Variants in NNT observed in about 807,000 individuals in gnomAD.
NNT encodes NAD(P) transhydrogenase, mitochondrial.
In NNT, 50 loss-of-function variants were observed where a neutral mutation model predicts 104.8. That is an observed-to-expected ratio of 0.48 (90% CI 0.38 to 0.60). The LOEUF (loss-of-function observed/expected upper bound fraction) is 0.60. Among genes scored for constraint, NNT ranks in the 20% least tolerant of loss-of-function variants. The pLI is 0.00. For missense variants in NNT, 1,131 were observed against 1,330.7 expected (o/e 0.85, Z 2.33); for synonymous variants, 461 against 490.4 (o/e 0.94, Z 0.79).
chr5:43,656,029 G>T lies in NNT; in HGVS notation c.2249G>T (p.Gly750Val), dbSNP rs999046770. ...GCCTACCTCGGCACTTACATTGGTGGCGTCACCTTTAGTGGGTCTCTCATT... is the reference window on the plus strand; with the variant it reads ...GCCTACCTCGGCACTTACATTGGTGTCGTCACCTTTAGTGGGTCTCTCATT... ...IVAYLGTYIG[G>V]VTFSGSLIAY... Residue 750 changes from glycine (G) to valine (V), a missense_variant, in exon 15 of 22, where the codon GGC (glycine) becomes GTC (valine). Physicochemically the swap from Gly to Val is moderately radical, Grantham distance 109. Transcript: ENST00000344920. The T allele has an allele frequency of 1.2e-6, 2 of 1,614,064 alleles. No individual in the cohort carries two copies. The highest frequency in any genetic ancestry group is 2.7e-5 in the African/African-American group (2 of 74,930).
chr5:43,603,115 A>C (rs892786377), upstream of NNT: 1 of 150,818 alleles, frequency 6.6e-6, no homozygotes. Context: ...GGGGCGGGGA[A>C]GGGGCGCGGG....
intron 17 of NNT, among the ~76,000 whole-genome samples, chr5:43,672,567 C>A (rs1164326492): frequency 6.6e-6 from 1 of 152,224 alleles, no homozygotes; most frequent in African/African-American, 2.4e-5. Context: ...CCGTGTTTGC[C>A]TGGGTATCAG....
chr5:43,665,120 C>T (rs187018084), intron 17 of NNT, among the ~76,000 whole-genome samples: 9 of 152,108 alleles, frequency 5.9e-5, no homozygotes, highest in Admixed American at 1.3e-4. Context: ...ATCTGTACAG[C>T]GGTACATCTA....
At chr5:43,662,509 CA>C (rs1254217422) in intron 17 of NNT, among the ~76,000 whole-genome samples, 2 of 151,986 alleles carry the variant, frequency 1.3e-5, no homozygotes, top group African/African-American at 2.4e-5. Flanking sequence ...ATAGAACTAC[CA>C]AATTATTCCG....
intron 16 of NNT, among the ~76,000 whole-genome samples, chr5:43,658,229 G>A (rs779654498): frequency 2.0e-5 from 3 of 152,094 alleles, no homozygotes; most frequent in Non-Finnish European, 4.4e-5. Flanking sequence ...GGATTTATTG[G>A]TTCTATGAGA....
chr5:43,656,597 T>C (rs1740059766), intron 15 of NNT, 56 bp from the exon 16 acceptor site: 1 of 1,466,480 alleles, frequency 6.8e-7, no homozygotes, highest in Non-Finnish European at 9.3e-7. Context: ...GAAATGAACT[T>C]TATGTATTTT....
intron 17 of NNT, among the ~76,000 whole-genome samples, chr5:43,668,570 G>A (rs1260806973): frequency 1.3e-5 from 2 of 152,082 alleles, no homozygotes; most frequent in African/African-American, 4.8e-5. Flanking sequence ...TGTCAGATTT[G>A]TCAAAGATCA....
rs1317608100 is a variant in NNT at position 43,707,387 on chromosome 5, TA to T, written c.*2989del. The T allele has an allele frequency of 6.6e-6, 1 of 152,092 alleles. No individual in the cohort carries two copies. Among genetic ancestry groups the T allele is most frequent in the Non-Finnish European group, 1.5e-5 (1 of 67,996 alleles). The allele number at this position is 152,092 out of a possible 1,614,324, so 9.4% of individuals were successfully genotyped here. A position where few individuals can be genotyped will look rare whatever the true frequency, so the allele number is the denominator to read the frequency against. On this transcript the variant is annotated 3_prime_UTR_variant, in exon 22 of 22. Coordinates refer to ENST00000344920, the MANE Select transcript of NNT (RefSeq NM_182977.3). Reference sequence around the variant, plus strand: ...TGTTATACACAATAAATACATACATTAAAAAATAAGTAAATGTATAAGTTTT... The same window carrying T: ...TGTTATACACAATAAATACATACATTAAAAATAAGTAAATGTATAAGTTTT...
chr5:43,692,264 A>G (rs1349284709), intron 19 of NNT, among the ~76,000 whole-genome samples: 3 of 152,154 alleles, frequency 2.0e-5, no homozygotes, highest in Non-Finnish European at 4.4e-5. Flanking sequence ...TCTCTTTAAG[A>G]CCATGCAAAT....
At chr5:43,624,635 C>G (rs1750270845) in intron 6 of NNT, among the ~76,000 whole-genome samples, 1 of 151,966 alleles carries the variant, frequency 6.6e-6, no homozygotes, top group African/African-American at 2.4e-5. Flanking sequence ...TTTTTGAGCC[C>G]CTGGGTGAAA....
rs1370054532 is a variant in NNT at position 43,656,692 on chromosome 5, A to C, written c.2333A>C (p.His778Pro). The C allele has an allele frequency of 8.1e-6, 13 of 1,614,070 alleles. No individual in the cohort carries two copies. The highest frequency in any genetic ancestry group is 1.1e-5 in the Non-Finnish European group (13 of 1,179,980). Reference protein sequence around the residue: ...KSAPLLLPGRHLLNAGLLAAS... With the variant: ...KSAPLLLPGRPLLNAGLLAAS... ...GCCCCTCTCCTACTGCCTGGAAGGCACTTACTCAATGCAGGCTTACTGGCT... is the reference window on the plus strand; with the variant it reads ...GCCCCTCTCCTACTGCCTGGAAGGCCCTTACTCAATGCAGGCTTACTGGCT... The change falls in exon 16 of 22, where the codon CAC becomes CCC. Residue 778 changes from histidine to proline, a missense_variant. By Grantham distance (77) the His-to-Pro change is moderately conservative. Coordinates refer to ENST00000344920, the MANE Select transcript of NNT (RefSeq NM_182977.3).
intron 4 of NNT, among the ~76,000 whole-genome samples, chr5:43,616,663 G>A (rs890860162): frequency 8.5e-5 from 13 of 152,098 alleles, no homozygotes; most frequent in African/African-American, 3.1e-4. Context: ...ATTCTATGTT[G>A]ATTGCCTGGA....
In NNT at chr5:43,677,752, A is replaced by C. The variant is rs939486196; in HGVS notation, c.2822A>C (p.Gln941Pro). The C allele has an allele frequency of 1.9e-6, 3 of 1,613,802 alleles. No individual in the cohort carries two copies. Among genetic ancestry groups the C allele is most frequent in the Non-Finnish European group, 2.5e-6 (3 of 1,179,712 alleles). ...PGYGLCAAKA[Q>P]YPIADLVKML... ...TATGGTCTCTGTGCAGCCAAAGCTC[A>C]ATACCCCATTGCTGATTTGGTAAAG... Residue 941 changes from glutamine to proline, a missense_variant, in exon 19 of 22, where the codon CAA becomes CCA. Gln to Pro is a moderately conservative substitution (Grantham distance 76). Transcript: ENST00000344920.
intron 7 of NNT, among the ~76,000 whole-genome samples, chr5:43,628,626 GCC>G (rs1221617449): frequency 6.6e-6 from 1 of 151,654 alleles, no homozygotes; most frequent in Non-Finnish European, 1.5e-5. Flanking sequence ...TGCTCTTGTT[GCC>G]CAGGCTGGAG....
intron 21 of NNT, 64 bp downstream of exon 21, chr5:43,702,800 C>T: frequency 3.4e-6 from 4 of 1,160,184 alleles, no homozygotes; most frequent in Non-Finnish European, 5.0e-6. Context: ...ACACACAGAA[C>T]TTTCTTTGAT....
intron 21 of NNT, among the ~76,000 whole-genome samples, chr5:43,703,985 A>C (rs2112267571): frequency 1.3e-5 from 2 of 152,316 alleles, no homozygotes; most frequent in South Asian, 4.1e-4. Flanking sequence ...ACTAAGAAGA[A>C]AATAATTGTA....
chr5:43,614,522 C>T (rs994390533), intron 3 of NNT, among the ~76,000 whole-genome samples: 2 of 152,134 alleles, frequency 1.3e-5, no homozygotes, highest in African/African-American at 4.8e-5. Flanking sequence ...GAAAAGTAGA[C>T]CTTGTCAGAG....
At chr5:43,617,200 G>C (rs1234441950) in intron 4 of NNT, among the ~76,000 whole-genome samples, 1 of 152,196 alleles carries the variant, frequency 6.6e-6, no homozygotes, top group Non-Finnish European at 1.5e-5. Flanking sequence ...TGTTGATTCT[G>C]AAATACACAT....
At chr5:43,622,482 G>T (rs1156807541) in intron 5 of NNT, among the ~76,000 whole-genome samples, 2 of 152,200 alleles carry the variant, frequency 1.3e-5, no homozygotes, top group East Asian at 3.9e-4. Context: ...TGCTTAGGCT[G>T]GTCTTGAGCT....
Sources: gnomAD v4.1 joint callset for allele counts (sites outside exome capture counted in the v4.1 genomes callset) on GRCh38, gnomAD v4.1.1 for gene constraint, MANE v1.5 for transcripts, NCBI Gene and HGNC (gene_info 2026-07-23, HGNC 2026-07-21) for gene names.